Variants in RAP1GAP2 observed in about 807,000 individuals in gnomAD.
RAP1GAP2 encodes RAP1 GTPase activating protein 2, also known as rap1 GTPase-activating protein 2.
Under a neutral mutation model 95.0 loss-of-function variants are expected in RAP1GAP2, and 27 were observed. The observed-to-expected ratio is 0.28, with a 90% CI of 0.21 to 0.39. The LOEUF is 0.39. Ranked by LOEUF, RAP1GAP2 falls within the 10% of genes least tolerant of loss-of-function variation. The pLI is 1.00. For missense variants in RAP1GAP2, 771 were observed against 970.0 expected, an observed-to-expected ratio of 0.79 and a Z score of 2.72; for synonymous variants, 373 against 380.9, an observed-to-expected ratio of 0.98 and a Z score of 0.24.
chr17:3,028,505 A>G (rs994466319), intron 22 of RAP1GAP2, among the ~76,000 whole-genome samples: 2 of 152,182 alleles, frequency 1.3e-5, no homozygotes, highest in African/African-American at 2.4e-5. Flanking sequence ...AAACACAGGA[A>G]GGGCCAACAG....
chr17:2,942,344 C>T (rs1055099434), intron 3 of RAP1GAP2, among the ~76,000 whole-genome samples: 5 of 152,170 alleles, frequency 3.3e-5, no homozygotes, highest in African/African-American at 1.2e-4. Flanking sequence ...AGCTCAGGAA[C>T]ATTCAGTGGC....
At chr17:2,758,231 A>G (rs2071185191) in intron 1 of RAP1GAP2, among the ~76,000 whole-genome samples, 1 of 126,732 alleles carries the variant, frequency 7.9e-6, no homozygotes, top group Admixed American at 8.8e-5. Flanking sequence ...GCTGGAGTGC[A>G]GTGGTGTGAT....
At chr17:2,971,059 A>G (rs1449381629) in intron 8 of RAP1GAP2, among the ~76,000 whole-genome samples, 2 of 152,118 alleles carry the variant, frequency 1.3e-5, no homozygotes. Context: ...AAATCAATCA[A>G]TCCATCAATC....
At chr17:2,992,536 C>G (rs985995359) in intron 12 of RAP1GAP2, among the ~76,000 whole-genome samples, 1 of 152,132 alleles carries the variant, frequency 6.6e-6, no homozygotes, top group South Asian at 2.1e-4. Context: ...CCTTGACTTT[C>G]CTTGGCCAAG....
At chr17:2,761,602 C>G (rs964053496) in intron 1 of RAP1GAP2, among the ~76,000 whole-genome samples, 4 of 152,120 alleles carry the variant, frequency 2.6e-5, no homozygotes, top group African/African-American at 9.7e-5. Flanking sequence ...GGGTGCCATT[C>G]TCATCATATC....
chr17:2,755,994 G>A (rs1256089658), intron 1 of RAP1GAP2, among the ~76,000 whole-genome samples: 1 of 151,970 alleles, frequency 6.6e-6, no homozygotes, highest in Admixed American at 6.5e-5. Context: ...GATGGGCGAC[G>A]GGGACCCTGT....
At chr17:2,821,188 G>A (rs2070289924) in intron 2 of RAP1GAP2, among the ~76,000 whole-genome samples, 1 of 151,772 alleles carries the variant, frequency 6.6e-6, no homozygotes, top group Non-Finnish European at 1.5e-5. Context: ...CTTTTTCTGT[G>A]TCACAAGCAT....
chr17:2,762,939 G>A (rs1481764609), intron 1 of RAP1GAP2, among the ~76,000 whole-genome samples: 3 of 152,056 alleles, frequency 2.0e-5, no homozygotes, highest in Non-Finnish European at 2.9e-5. Flanking sequence ...GCCTCTGAAA[G>A]TACTGGGACT....
intron 3 of RAP1GAP2, among the ~76,000 whole-genome samples, chr17:2,948,768 G>A (rs1197475514): frequency 6.6e-6 from 1 of 151,428 alleles, no homozygotes; most frequent in South Asian, 2.1e-4. Context: ...GAGAAGCTGT[G>A]CCTGTGTGTA....
At chr17:2,890,026 G>T (rs1246371277) in intron 2 of RAP1GAP2, among the ~76,000 whole-genome samples, 1 of 150,888 alleles carries the variant, frequency 6.6e-6, no homozygotes, top group Non-Finnish European at 1.5e-5. Context: ...ACTGGCCTGC[G>T]CTGTGTTCTG....
At chr17:2,786,564 G>C (rs1245561438) in intron 1 of RAP1GAP2, among the ~76,000 whole-genome samples, 1 of 152,250 alleles carries the variant, frequency 6.6e-6, no homozygotes, top group Non-Finnish European at 1.5e-5. Context: ...AGAGTTGGCT[G>C]TGTGTTCTCC....
At chr17:2,913,101 C>A (rs2042443865) in intron 3 of RAP1GAP2, among the ~76,000 whole-genome samples, 1 of 152,042 alleles carries the variant, frequency 6.6e-6, no homozygotes, top group Non-Finnish European at 1.5e-5. Flanking sequence ...TGGATTGAGC[C>A]CAGGAGATTG....
chr17:2,813,523 G>GC (rs11404755), intron 2 of RAP1GAP2, among the ~76,000 whole-genome samples: 152,345 of 152,346 alleles, frequency 1, 76,172 homozygotes, highest in Middle Eastern at 1. Context: ...GTGGGCGTGA[G>GC]CCCTCTGGGC....
intron 1 of RAP1GAP2, among the ~76,000 whole-genome samples, chr17:2,799,298 G>A (rs1025096085): frequency 6.6e-6 from 1 of 152,212 alleles, no homozygotes; most frequent in Non-Finnish European, 1.5e-5. Flanking sequence ...GGACTCAAGA[G>A]GACGTGTGAG....
At chr17:2,932,862 G>C (rs2043200798) in intron 3 of RAP1GAP2, among the ~76,000 whole-genome samples, 1 of 151,234 alleles carries the variant, frequency 6.6e-6, no homozygotes, top group South Asian at 2.1e-4. Context: ...ACCACGGGCA[G>C]GGTATGGGTT....
In RAP1GAP2 at chr17:2,770,446, G is replaced by T. The variant is rs1392499654; in HGVS notation, c.167+1G>T. On this transcript the variant is annotated splice_donor_variant, in intron 2 of 25. Coordinates refer to the RAP1GAP2 transcript ENST00000637138. LOFTEE classifies it high-confidence loss of function. Reference sequence around the variant, plus strand: ...GGGCTGACCTCGAGTCTCCCTCCAGGTAAAGGGGCCTTCTGCCTTGACCCT... The same window carrying T: ...GGGCTGACCTCGAGTCTCCCTCCAGTTAAAGGGGCCTTCTGCCTTGACCCT... 2 of 398,790 alleles carry T rather than the reference G, an allele frequency of 5.0e-6. No homozygotes were observed. Among genetic ancestry groups the T allele is most frequent in the African/African-American group, 4.1e-5 (2 of 48,782 alleles). 24.7% of individuals were successfully genotyped at this position (398,790 alleles called of 1,614,324 possible). A position where few individuals can be genotyped will look rare whatever the true frequency, so the allele number is the denominator to read the frequency against.
intron 1 of RAP1GAP2, among the ~76,000 whole-genome samples, chr17:2,783,620 G>C (rs2068707149): frequency 6.6e-6 from 1 of 152,216 alleles, no homozygotes; most frequent in South Asian, 2.1e-4. Context: ...CCAGTGTTCT[G>C]GTTATCTAAT....
chr17:2,765,456 CAGAG>C (rs1208463199), intron 1 of RAP1GAP2, among the ~76,000 whole-genome samples: 1 of 151,868 alleles, frequency 6.6e-6, no homozygotes, highest in African/African-American at 2.4e-5. Flanking sequence ...TTCTAAAAAA[CAGAG>C]AGGGCGCGGT....
chr17:2,824,926 G>C (rs1015870950), intron 2 of RAP1GAP2, among the ~76,000 whole-genome samples: 1 of 151,906 alleles, frequency 6.6e-6, no homozygotes, highest in African/African-American at 2.4e-5. Flanking sequence ...ACCCCAAAAC[G>C]TATCATGCTG....
Sources: gnomAD v4.1 joint callset for allele counts (sites outside exome capture counted in the v4.1 genomes callset) on GRCh38, gnomAD v4.1.1 for gene constraint, MANE v1.5 for transcripts, NCBI Gene and HGNC (gene_info 2026-07-23, HGNC 2026-07-21) for gene names.